Variants in ASB18 observed in about 807,000 individuals in gnomAD.
ASB18 encodes ankyrin repeat and SOCS box containing 18.
Under a neutral mutation model 33.4 loss-of-function variants are expected in ASB18, and 33 were observed. That is an observed-to-expected ratio of 0.99 (90% CI 0.75 to 1.32). ASB18 has a LOEUF of 1.32. ASB18 is among the 40% of genes most tolerant of loss of function. The pLI is 0.00. For synonymous variants in ASB18, 295 were observed against 307.6 expected, an observed-to-expected ratio of 0.96 and a Z score of 0.43; for missense variants, 694 against 655.5, an observed-to-expected ratio of 1.06 and a Z score of -0.64.
chr2:236,241,972 A>T lies in ASB18; in HGVS notation c.206-570T>A, dbSNP rs2060623450. Among the ~76,000 whole-genome samples, 1 of 152,208 alleles carries T rather than the reference A, an allele frequency of 6.6e-6. No homozygotes were observed. The highest frequency in any genetic ancestry group is 1.5e-5 in the Non-Finnish European group (1 of 68,044). ...CCAGAATACTTAGCAAATAAGTAAT[A>T]TCCTCTCAGATTTTTTTTTAAAGTA... On this transcript the variant is annotated intron_variant, in intron 1 of 5. Coordinates refer to ENST00000409749, the MANE Select transcript of ASB18 (RefSeq NM_212556.4). The surrounding 1 kb of genome is among the most constrained non-coding windows in gnomAD (Gnocchi z 4.2).
chr2:236,198,948 C>T (rs979701246), intron 4 of ASB18, among the ~76,000 whole-genome samples: 2 of 152,114 alleles, frequency 1.3e-5, no homozygotes, highest in Admixed American at 6.5e-5. Flanking sequence ...TTATCTTATT[C>T]CTAACTTTAA....
rs147524772 is a variant in ASB18, at chr2:236,263,732, T to C, written c.205+409A>G. ...TTTGTAGGCATTTGGTTTAAGTATT[T>C]CAGTAGGGGATTGAAATTGGGAAGA... On this transcript the variant is annotated intron_variant, in intron 1 of 5. Transcript: ENST00000409749. This position sits in a 1 kb window ranked among gnomAD's most constrained non-coding sequence, Gnocchi z 4.0. 4.8e-3 allele frequency among the ~76,000 whole-genome samples: 734 copies of C among 152,302 alleles called. 8 individuals carry two copies. Among genetic ancestry groups the C allele is most frequent in the African/African-American group, 0.016 (685 of 41,558 alleles).
chr2:236,237,797 C>A lies in ASB18; in HGVS notation c.488G>T (p.Gly163Val), dbSNP rs2060602095. ...RGALHEACLG[G>V]HTACVRLLLQ... Reference sequence around the variant, plus strand: ...CAGCAGGCGGACGCAGGCGGTGTGGCCCCCGAGGCAGGCCTCGTGCAGGGC... The same window carrying A: ...CAGCAGGCGGACGCAGGCGGTGTGGACCCCGAGGCAGGCCTCGTGCAGGGC... Residue 163 changes from glycine (G) to valine (V), a missense_variant, in exon 3 of 6, where the codon GGC becomes GTC. By Grantham distance (109) the Gly-to-Val change is moderately radical. Transcript: ENST00000409749. The surrounding 1 kb of genome is among the most constrained non-coding windows in gnomAD (Gnocchi z 6.2). 7.0e-7 allele frequency: 1 copy of A among 1,432,294 alleles called. No individual in the cohort carries two copies. The allele number at this position is 1,432,294 out of a possible 1,614,324, so 88.7% of individuals were successfully genotyped here.
rs1001755136 is a variant in ASB18, at chr2:236,221,200, A to C, written c.597-6334T>G. 2.0e-5 allele frequency among the ~76,000 whole-genome samples: 3 copies of C among 149,974 alleles called. No individual in the cohort carries two copies. The highest frequency in any genetic ancestry group is 2.9e-5 in the Non-Finnish European group (2 of 67,854). On this transcript the variant is annotated intron_variant, in intron 3 of 5. Coordinates refer to ENST00000409749, the MANE Select transcript of ASB18 (RefSeq NM_212556.4). This position sits in a 1 kb window ranked among gnomAD's most constrained non-coding sequence, Gnocchi z 5.6. ...TGAATACAAGGACTCCACAACCACCAAAAGATGATGCTGACTGAGCAATGC... is the reference window on the plus strand; with the variant it reads ...TGAATACAAGGACTCCACAACCACCCAAAGATGATGCTGACTGAGCAATGC...
At chr2:236,258,374 G>A (rs2060702864) in intron 1 of ASB18, among the ~76,000 whole-genome samples, 1 of 152,234 alleles carries the variant, frequency 6.6e-6, no homozygotes. Context: ...GGTTCAAAGA[G>A]GTGGTCTGAC....
At position 236,244,809 on chromosome 2, in the gene ASB18, G is replaced by A. The variant is rs1028085494; in HGVS notation, c.206-3407C>T. 2.6e-5 allele frequency among the ~76,000 whole-genome samples: 4 copies of A among 152,146 alleles called. No homozygotes were observed. The highest frequency in any genetic ancestry group is 2.1e-4 in the South Asian group (1 of 4,832). ...TGCAGCAAAGGGTGGAGTAGAAATC[G>A]AACACATTTATGGTTTGATATAGAT... is the stretch of plus-strand genomic sequence containing the variant. On this transcript the variant is annotated intron_variant, in intron 1 of 5. Transcript: ENST00000409749. This position sits in a 1 kb window ranked among gnomAD's most constrained non-coding sequence, Gnocchi z 6.1.
At chr2:236,233,872 A>G (rs2060577346) in intron 3 of ASB18, among the ~76,000 whole-genome samples, 1 of 152,226 alleles carries the variant, frequency 6.6e-6, no homozygotes, top group African/African-American at 2.4e-5. Flanking sequence ...CCAGGAAGCT[A>G]TGTTGTAGAA....
intron 4 of ASB18, among the ~76,000 whole-genome samples, chr2:236,207,123 C>T (rs998898753): frequency 7.2e-5 from 11 of 152,244 alleles, no homozygotes; most frequent in Non-Finnish European, 1.6e-4. Flanking sequence ...GCTCTGAGTG[C>T]AGCTTGAGGG....
In ASB18 at chr2:236,237,651, G is replaced by T; in HGVS notation, c.596+38C>A. On this transcript the variant is annotated intron_variant, in intron 3 of 5. Coordinates refer to ENST00000409749, the MANE Select transcript of ASB18 (RefSeq NM_212556.4). This position sits in a 1 kb window ranked among gnomAD's most constrained non-coding sequence, Gnocchi z 6.2. The stretch of plus-strand genomic sequence containing the variant: ...GGGGAGGCGGGCGTCTGGTCTCGGG[G>T]CGGGGCGGACGCCGCGGGCCTGTCC... 7.3e-7 allele frequency: 1 copy of T among 1,361,356 alleles called. No individual in the cohort carries two copies. 84.3% of individuals were successfully genotyped at this position (1,361,356 alleles called of 1,614,324 possible).
intron 4 of ASB18, among the ~76,000 whole-genome samples, chr2:236,210,716 A>G (rs917559399): frequency 1.3e-5 from 2 of 152,180 alleles, no homozygotes; most frequent in African/African-American, 4.8e-5. Context: ...GTGTTCATGG[A>G]CGGGTGTCAG....
rs2106287242 is a variant in ASB18 at position 236,259,102 on chromosome 2, G to C, written c.205+5039C>G. Among the ~76,000 whole-genome samples, 1 of 152,306 alleles carries C rather than the reference G, an allele frequency of 6.6e-6. No homozygotes were observed. Among genetic ancestry groups the C allele is most frequent in the Non-Finnish European group, 1.5e-5 (1 of 68,042 alleles). On this transcript the variant is annotated intron_variant, in intron 1 of 5. Transcript: ENST00000409749. The surrounding 1 kb of genome is among the most constrained non-coding windows in gnomAD (Gnocchi z 4.4). ...TTTCTCCCTCTCTGTGTTCTCTGCAGCTACTAACCAATTGGTATTGAAAAG... is the reference window on the plus strand; with the variant it reads ...TTTCTCCCTCTCTGTGTTCTCTGCACCTACTAACCAATTGGTATTGAAAAG...
At position 236,217,412 on chromosome 2, in the gene ASB18, C is replaced by CAAAAAAAA. The variant is rs1184456986; in HGVS notation, c.597-2554_597-2547dup. On this transcript the variant is annotated intron_variant, in intron 3 of 5. Coordinates refer to ENST00000409749, the MANE Select transcript of ASB18 (RefSeq NM_212556.4). This position sits in a 1 kb window ranked among gnomAD's most constrained non-coding sequence, Gnocchi z 5.2. ...GGGGCAACAGAGCGAGACTCTGTCT[C>CAAAAAAAA]AAAAAAAAAAAAAAATAAATCTTGG... is the stretch of plus-strand genomic sequence containing the variant. Among the ~76,000 whole-genome samples the CAAAAAAAA allele has an allele frequency of 5.9e-5, 5 of 85,388 alleles. No homozygotes were observed. The highest frequency in any genetic ancestry group is 3.6e-4 in the African/African-American group (5 of 13,704). The allele number at this position is 85,388 out of a possible 152,430, so 56.0% of individuals were successfully genotyped here.
At position 236,229,323 on chromosome 2, in the gene ASB18, A is replaced by T. The variant is rs999962165; in HGVS notation, c.596+8366T>A. 4.6e-5 allele frequency among the ~76,000 whole-genome samples: 7 copies of T among 151,984 alleles called. No individual in the cohort carries two copies. The highest frequency in any genetic ancestry group is 1.0e-4 in the Non-Finnish European group (7 of 67,858). Reference sequence around the variant, plus strand: ...TCAGGTATTTCAGAAGAGAAGATCAATCAATCAATCAGAGAGAGAGGCTGA... The same window carrying T: ...TCAGGTATTTCAGAAGAGAAGATCATTCAATCAATCAGAGAGAGAGGCTGA... On this transcript the variant is annotated intron_variant, in intron 3 of 5. Transcript: ENST00000409749. This position sits in a 1 kb window ranked among gnomAD's most constrained non-coding sequence, Gnocchi z 5.2.
chr2:236,254,908 C>A (rs372589486), intron 1 of ASB18, among the ~76,000 whole-genome samples: 1 of 152,068 alleles, frequency 6.6e-6, no homozygotes, highest in East Asian at 1.9e-4. Context: ...TTCCTGCCAT[C>A]CGCTTGGTGC....
Position 236,214,578 on chromosome 2 carries a change from G to C in ASB18, c.885C>G (p.Ser295Arg). The C allele has an allele frequency of 7.6e-7, 1 of 1,324,458 alleles. No homozygotes were observed. Among genetic ancestry groups the C allele is most frequent in the Middle Eastern group, 2.9e-4 (1 of 3,504 alleles). The allele number at this position is 1,324,458 out of a possible 1,614,324, so 82.0% of individuals were successfully genotyped here. The change falls in exon 4 of 6, where the codon AGC becomes AGG. Residue 295 changes from serine (S) to arginine (R), a missense_variant. Transcript: ENST00000409749. The surrounding 1 kb of genome is among the most constrained non-coding windows in gnomAD (Gnocchi z 6.5). ...EADARDEDER[S>R]PLHKACGHAS... is the part of the protein sequence containing the mutation. ...CGTGGCCGCAGGCTTTGTGCAGCGG[G>C]CTGCGCTCGTCCTCGTCGCGCGCGT... is the stretch of plus-strand genomic sequence containing the variant.
rs1444643213 is a variant in ASB18, at chr2:236,238,252, G to A, written c.329-296C>T. 1.3e-5 allele frequency among the ~76,000 whole-genome samples: 2 copies of A among 152,074 alleles called. No individual in the cohort carries two copies. The highest frequency in any genetic ancestry group is 2.1e-4 in the South Asian group (1 of 4,818). On this transcript the variant is annotated intron_variant, in intron 2 of 5. Coordinates refer to ENST00000409749, the MANE Select transcript of ASB18 (RefSeq NM_212556.4). The surrounding 1 kb of genome is among the most constrained non-coding windows in gnomAD (Gnocchi z 5.2). ...GAAGCAAGAGGATTTTGCCAAATAC[G>A]GGGGTGACTGGGAAATGGGGTCAGT...
At position 236,237,064 on chromosome 2, in the gene ASB18, T is replaced by C. The variant is rs956328285; in HGVS notation, c.596+625A>G. On this transcript the variant is annotated intron_variant, in intron 3 of 5. Transcript: ENST00000409749. This position sits in a 1 kb window ranked among gnomAD's most constrained non-coding sequence, Gnocchi z 6.2. ...CCAGACCCCGCGCCCGGGCGCGAAC[T>C]AGCTGAGCGGCCGCTGGGCCTCCCT... 2.7e-5 allele frequency among the ~76,000 whole-genome samples: 4 copies of C among 150,924 alleles called. No individual in the cohort carries two copies. Among genetic ancestry groups the C allele is most frequent in the Admixed American group, 6.6e-5 (1 of 15,176 alleles).
chr2:236,247,219 A>G, intron 1 of ASB18: 1 of 151,218 alleles, frequency 6.6e-6, no homozygotes, highest in East Asian at 1.9e-4. Flanking sequence ...TAAGCATGGC[A>G]GAGAGCTGTC....
chr2:236,196,214 G>T lies in ASB18; in HGVS notation c.1215+58C>A. ...ATCAGTGCAAAACTCCCCATGCAAA[G>T]AAGCAAAAACAGACAAAAGTTTTGT... On this transcript the variant is annotated intron_variant, in intron 5 of 5. Coordinates refer to ENST00000409749, the MANE Select transcript of ASB18 (RefSeq NM_212556.4). This position sits in a 1 kb window ranked among gnomAD's most constrained non-coding sequence, Gnocchi z 5.6. 1.1e-6 allele frequency: 1 copy of T among 930,828 alleles called. No homozygotes were observed. Among genetic ancestry groups the T allele is most frequent in the Non-Finnish European group, 1.7e-6 (1 of 579,484 alleles). 57.7% of individuals were successfully genotyped at this position (930,828 alleles called of 1,614,324 possible). A position where few individuals can be genotyped will look rare whatever the true frequency, so the allele number is the denominator to read the frequency against.
Sources: allele counts gnomAD v4.1 joint callset (sites outside exome capture counted in the v4.1 genomes callset), GRCh38; gene constraint gnomAD v4.1.1; non-coding constraint Gnocchi (gnomAD v3.1); transcripts MANE v1.5; gene names NCBI Gene and HGNC (gene_info 2026-07-23, HGNC 2026-07-21).